Variants in MCM2 observed in about 807,000 individuals in gnomAD.
The protein encoded by MCM2 is DNA replication licensing factor MCM2.
Under a neutral mutation model 86.4 loss-of-function variants are expected in MCM2, and 49 were observed. The observed-to-expected ratio is 0.57, with a 90% CI of 0.45 to 0.72. The LOEUF (loss-of-function observed/expected upper bound fraction) is 0.72, where lower values mean the gene tolerates loss of function less well. MCM2 is among the 30% of genes least tolerant of loss of function. The pLI is 0.00. For synonymous variants in MCM2, 475 were observed against 484.6 expected (o/e 0.98, Z 0.26); for missense variants, 1,038 against 1,259.9 (o/e 0.82, Z 2.67).
chr3:127,607,751 T>C (rs961633345), intron 6 of MCM2, among the ~76,000 whole-genome samples: 5 of 152,172 alleles, frequency 3.3e-5, no homozygotes, highest in Non-Finnish European at 7.4e-5. Flanking sequence ...TCACAGCTCA[T>C]GAGGCAGGAA....
At position 127,617,524 on chromosome 3, in the gene MCM2, G is replaced by C; in HGVS notation, c.1900+119G>C. On this transcript the variant is annotated intron_variant, in intron 11 of 15. Transcript: ENST00000265056. This position sits in a 1 kb window ranked among gnomAD's most constrained non-coding sequence, Gnocchi z 4.1. ...TCTGAGGAAGTCATTGTGCAGCAGA[G>C]GGTTCCCCTCTTCTGCATATCCTGC... The C allele has an allele frequency of 7.7e-7, 1 of 1,301,668 alleles. No individual in the cohort carries two copies. The highest frequency in any genetic ancestry group is 1.0e-6 in the Non-Finnish European group (1 of 969,884). The allele number at this position is 1,301,668 out of a possible 1,614,324, so 80.6% of individuals were successfully genotyped here. A position where few individuals can be genotyped will look rare whatever the true frequency, so the allele number is the denominator to read the frequency against.
In MCM2 at chr3:127,601,512, C is replaced by A. The variant is rs370783136; in HGVS notation, c.236+1965C>A. Among the ~76,000 whole-genome samples the A allele has an allele frequency of 1.6e-3, 241 of 152,250 alleles. 1 individual carries two copies. The highest frequency in any genetic ancestry group is 7.7e-3 in the South Asian group (37 of 4,818). Reference sequence around the variant, plus strand: ...AGTAGCTGGGATCACAGACATTTGCCACCACACCGGCTAATTTTTCTATTT... The same window carrying A: ...AGTAGCTGGGATCACAGACATTTGCAACCACACCGGCTAATTTTTCTATTT... On this transcript the variant is annotated intron_variant, in intron 2 of 15. Coordinates refer to ENST00000265056, the MANE Select transcript of MCM2 (RefSeq NM_004526.4).
Position 127,620,743 on chromosome 3 carries a change from A to G in MCM2, c.2311A>G (p.Ile771Val), listed in dbSNP as rs756308798. The change falls in exon 14 of 16, where the codon ATC becomes GTC. Residue 771 changes from isoleucine (I) to valine (V), a missense_variant. Physicochemically the swap from Ile to Val is conservative, Grantham distance 29. Around this residue, in one of 4 missense-constraint regions of MCM2, gnomAD observed 336 missense variants for 425.7 expected, o/e 0.79. Coordinates refer to ENST00000265056, the MANE Select transcript of MCM2 (RefSeq NM_004526.4). ...TACGGTGCGGCACATCGAGTCCATG[A>G]TCCGCATGGCGGAGGCCCACGCGCG... ...PITVRHIESMIRMAEAHARIH... is the reference protein window; with the variant it reads ...PITVRHIESMVRMAEAHARIH... 6.2e-7 allele frequency: 1 copy of G among 1,612,464 alleles called. No individual in the cohort carries two copies. The highest frequency in any genetic ancestry group is 1.7e-5 in the Admixed American group (1 of 59,852).
Position 127,617,539 on chromosome 3 carries a change from G to C in MCM2, c.1900+134G>C, listed in dbSNP as rs1187523534. 2.6e-6 allele frequency: 3 copies of C among 1,141,932 alleles called. No homozygotes were observed. The highest frequency in any genetic ancestry group is 3.6e-6 in the Non-Finnish European group (3 of 829,622). 70.7% of individuals were successfully genotyped at this position (1,141,932 alleles called of 1,614,324 possible). A position where few individuals can be genotyped will look rare whatever the true frequency, so the allele number is the denominator to read the frequency against. ...GTGCAGCAGAGGGTTCCCCTCTTCT[G>C]CATATCCTGCCAGAGTGGGGAACAG... On this transcript the variant is annotated intron_variant, in intron 11 of 15. Transcript: ENST00000265056. This position sits in a 1 kb window ranked among gnomAD's most constrained non-coding sequence, Gnocchi z 4.1.
intron 2 of MCM2, among the ~76,000 whole-genome samples, chr3:127,603,106 T>G (rs148223526): frequency 0.018 from 2,570 of 146,590 alleles, 39 homozygotes; most frequent in African/African-American, 0.037. Flanking sequence ...CCGAAAGTGA[T>G]TCTCCTGCCT....
Position 127,606,858 on chromosome 3 carries a change from G to T in MCM2, c.1101+41G>T, listed in dbSNP as rs761453914. The T allele has an allele frequency of 6.2e-7, 1 of 1,600,190 alleles. No individual in the cohort carries two copies. The highest frequency in any genetic ancestry group is 8.6e-7 in the Non-Finnish European group (1 of 1,167,842). Reference sequence around the variant, plus strand: ...AGGTCTGCTGCCAGCTGTCCTTAGGGGTGCCCAGTATGCAGGACCTGACTG... The same window carrying T: ...AGGTCTGCTGCCAGCTGTCCTTAGGTGTGCCCAGTATGCAGGACCTGACTG... On this transcript the variant is annotated intron_variant, in intron 6 of 15. Transcript: ENST00000265056. This position sits in a 1 kb window ranked among gnomAD's most constrained non-coding sequence, Gnocchi z 4.2.
chr3:127,601,393 C>T (rs2074305519), intron 2 of MCM2, among the ~76,000 whole-genome samples: 1 of 152,106 alleles, frequency 6.6e-6, no homozygotes, highest in African/African-American at 2.4e-5. Context: ...TTGAGTTTTG[C>T]TCTGTCGCTT....
At chr3:127,619,583 G>A (rs1302460778) in intron 13 of MCM2, among the ~76,000 whole-genome samples, 2 of 152,212 alleles carry the variant, frequency 1.3e-5, no homozygotes, top group African/African-American at 4.8e-5. Flanking sequence ...GGAGGCTGAG[G>A]CAGGAGAATC....
Position 127,599,351 on chromosome 3 carries a change from C to T in MCM2, c.40C>T (p.Pro14Ser), listed in dbSNP as rs778688260. The T allele has an allele frequency of 8.7e-6, 14 of 1,614,086 alleles. No individual in the cohort carries two copies. Among genetic ancestry groups the T allele is most frequent in the Non-Finnish European group, 1.1e-5 (13 of 1,180,042 alleles). The change falls in exon 2 of 16, where the codon CCG (proline) becomes TCG (serine). Residue 14 changes from proline (P) to serine (S), a missense_variant. By Grantham distance (74) the Pro-to-Ser change is moderately conservative (BLOSUM62 -1). Around this residue, in one of 4 missense-constraint regions of MCM2, gnomAD observed 300 missense variants for 307.4 expected, o/e 0.98. Transcript: ENST00000265056. ...GGAATCCTTCACCATGGCATCCAGC[C>T]CGGCCCAGCGTCGGCGAGGCAATGA... ...SSESFTMASSPAQRRRGNDPL... is the reference protein window; with the variant it reads ...SSESFTMASSSAQRRRGNDPL...
At chr3:127,610,650 C>T (rs926441414) in intron 8 of MCM2, 18 of 385,954 alleles carry the variant, frequency 4.7e-5, no homozygotes, top group African/African-American at 2.7e-4. Context: ...TTTTGTGTCT[C>T]GGTTCCTTTT....
At chr3:127,600,445 C>T (rs1414115072) in intron 2 of MCM2, among the ~76,000 whole-genome samples, 1 of 152,192 alleles carries the variant, frequency 6.6e-6, no homozygotes, top group Non-Finnish European at 1.5e-5. Context: ...CCAGGAGCCT[C>T]GTGGAGATGC....
intron 1 of MCM2, 159 bp from the exon 2 acceptor site, chr3:127,599,159 A>G: frequency 1.5e-6 from 1 of 688,606 alleles, no homozygotes. Context: ...GTGAGAGAAC[A>G]GCAAGGGCAA....
chr3:127,603,919 C>G (rs1371835450), intron 2 of MCM2, among the ~76,000 whole-genome samples: 1 of 152,156 alleles, frequency 6.6e-6, no homozygotes, highest in African/African-American at 2.4e-5. Flanking sequence ...CTTGGCCTCC[C>G]AAAGTGCTGG....
chr3:127,608,267 C>A, intron 6 of MCM2, 115 bp from the exon 7 acceptor site: 1 of 1,329,218 alleles, frequency 7.5e-7, no homozygotes, highest in Non-Finnish European at 1.1e-6. Flanking sequence ...CTGTCTTTGG[C>A]TCTCCATTTG....
chr3:127,600,557 C>T (rs1207209825), intron 2 of MCM2, among the ~76,000 whole-genome samples: 1 of 152,172 alleles, frequency 6.6e-6, no homozygotes, highest in Non-Finnish European at 1.5e-5. Context: ...AAGGGCACTC[C>T]AGACTGGATG....
rs1356045473 is a variant in MCM2 at position 127,618,609 on chromosome 3, G to C, written c.2014-418G>C. On this transcript the variant is annotated intron_variant, in intron 12 of 15. Coordinates refer to ENST00000265056, the MANE Select transcript of MCM2 (RefSeq NM_004526.4). The surrounding 1 kb of genome is among the most constrained non-coding windows in gnomAD (Gnocchi z 4.0). ...TCAAAAGGGCCGAGCCTTGGGGCTT[G>C]ATTGTGCTCCTTGCTCCTGGCAGAC... 2.0e-5 allele frequency among the ~76,000 whole-genome samples: 3 copies of C among 152,088 alleles called. No individual in the cohort carries two copies. The highest frequency in any genetic ancestry group is 4.4e-5 in the Non-Finnish European group (3 of 68,026).
rs755140598 is a variant in MCM2 at position 127,604,730 on chromosome 3, G to A, written c.359G>A (p.Arg120His). The A allele has an allele frequency of 8.1e-6, 13 of 1,610,520 alleles. No homozygotes were observed. The highest frequency in any genetic ancestry group is 5.5e-5 in the South Asian group (5 of 90,894). Reference protein sequence around the residue: ...REAAERAMRQRDREAGRGLGR... With the variant: ...REAAERAMRQHDREAGRGLGR... ...GCAGCAGAGCGGGCCATGCGGCAGCGTGACCGGGAGGCTGGCCGGGGCCTG... is the reference window on the plus strand; with the variant it reads ...GCAGCAGAGCGGGCCATGCGGCAGCATGACCGGGAGGCTGGCCGGGGCCTG... The change falls in exon 3 of 16, where the codon CGT becomes CAT. Residue 120 changes from arginine to histidine, a missense_variant. Around this residue, in one of 4 missense-constraint regions of MCM2, gnomAD observed 300 missense variants for 307.4 expected, o/e 0.98. Transcript: ENST00000265056.
Position 127,620,618 on chromosome 3 carries a change from G to A in MCM2, c.2266-80G>A, listed in dbSNP as rs181005607. ...TGTCAGATGGGTCTTCTTGGCTCTG[G>A]GTGCTAAGAGTGCCGCTGCTTTATT... is the stretch of plus-strand genomic sequence containing the variant. On this transcript the variant is annotated intron_variant, in intron 13 of 15. Transcript: ENST00000265056. 102 of 1,433,686 alleles carry A rather than the reference G, an allele frequency of 7.1e-5. No individual in the cohort carries two copies. In the East Asian group the frequency reaches 2.3e-3, roughly 32 times the overall value. 88.8% of individuals were successfully genotyped at this position (1,433,686 alleles called of 1,614,324 possible).
chr3:127,604,073 ACCACC>A (rs2074326752), intron 2 of MCM2, among the ~76,000 whole-genome samples: 1 of 152,124 alleles, frequency 6.6e-6, no homozygotes, highest in Non-Finnish European at 1.5e-5. Context: ...ATAGGCATGA[ACCACC>A]ATGCCCAGCC....
Sources: allele counts gnomAD v4.1 joint callset (sites outside exome capture counted in the v4.1 genomes callset), GRCh38; gene constraint gnomAD v4.1.1; regional missense constraint gnomAD v4.1.1; non-coding constraint Gnocchi (gnomAD v3.1); transcripts MANE v1.5; gene names NCBI Gene and HGNC (gene_info 2026-07-23, HGNC 2026-07-21).